AXDND1: variants seen among roughly 807,000 people sequenced by gnomAD.
AXDND1 encodes the protein axonemal dynein light chain domain containing 1.
Under a neutral mutation model 137.5 loss-of-function variants are expected in AXDND1, and 110 were observed. The observed-to-expected ratio is 0.80, with a 90% CI of 0.69 to 0.94. The LOEUF is 0.94. Among genes scored for constraint, AXDND1 ranks in the 40% least tolerant of loss-of-function variants. The probability of loss-of-function intolerance (pLI) is 0.00; values close to 1 mark genes in which losing one functional copy is unlikely to be tolerated. For synonymous variants in AXDND1, 414 were observed against 399.7 expected (o/e 1.04, Z -0.43); for missense variants, 1,191 against 1,169.8 (o/e 1.02, Z -0.26).
chr1:179,442,955 G>GCGCTC (rs899276358), intron 15 of AXDND1, among the ~76,000 whole-genome samples: 83 of 152,286 alleles, frequency 5.5e-4, no homozygotes, highest in African/African-American at 1.8e-3. Context: ...GCTTTACACA[G>GCGCTC]CGCTCCATAT....
chr1:179,517,822 C>G (rs1669687993), intron 21 of AXDND1, among the ~76,000 whole-genome samples: 1 of 152,212 alleles, frequency 6.6e-6, no homozygotes, highest in African/African-American at 2.4e-5. Context: ...CCTGCAGGAG[C>G]AGTCCACTGC....
At chr1:179,367,278 G>A (rs1667523433) in intron 2 of AXDND1, among the ~76,000 whole-genome samples, 1 of 152,078 alleles carries the variant, frequency 6.6e-6, no homozygotes, top group Non-Finnish European at 1.5e-5. Context: ...TCCCATTTGG[G>A]AGGCTGAGGC....
chr1:179,527,464 C>T (rs1401246525), intron 22 of AXDND1, among the ~76,000 whole-genome samples: 1 of 152,162 alleles, frequency 6.6e-6, no homozygotes, highest in Non-Finnish European at 1.5e-5. Flanking sequence ...TACCCAGCTA[C>T]TCTTTAAGAT....
At position 179,457,044 on chromosome 1, in the gene AXDND1, GT is replaced by G. The variant is rs572721259; in HGVS notation, c.1799-11398del. On this transcript the variant is annotated intron_variant, in intron 16 of 25. Coordinates refer to ENST00000367618, the MANE Select transcript of AXDND1 (RefSeq NM_144696.6). ...TTTTTCACAGTTAAGTGGGCACCTG[GT>G]CTTTGAGAATCTTCTCTTGAGACAG... The G allele has an allele frequency of 1.0e-3, 1,198 of 1,164,220 alleles. 9 individuals carry two copies. In the African/African-American group the frequency reaches 0.015, roughly 15 times the overall value. The allele number at this position is 1,164,220 out of a possible 1,614,324, so 72.1% of individuals were successfully genotyped here.
At chr1:179,374,729 A>G (rs1668403905) in intron 4 of AXDND1, among the ~76,000 whole-genome samples, 2 of 152,106 alleles carry the variant, frequency 1.3e-5, no homozygotes, top group South Asian at 4.2e-4. Flanking sequence ...ACAAGGACAG[A>G]AAACCAAATA....
chr1:179,415,705 A>G (rs2125240570), intron 12 of AXDND1, among the ~76,000 whole-genome samples: 1 of 151,880 alleles, frequency 6.6e-6, no homozygotes, highest in East Asian at 1.9e-4. Flanking sequence ...TCTCCAGGGT[A>G]CATCTTTTTT....
intron 12 of AXDND1, among the ~76,000 whole-genome samples, chr1:179,425,835 CTT>C (rs11300946): frequency 0.019 from 1,915 of 101,056 alleles, 27 homozygotes; most frequent in African/African-American, 0.061. Flanking sequence ...TGTGGAAGCT[CTT>C]TTTTTTTTTT....
Position 179,395,138 on chromosome 1 carries a change from A to G in AXDND1, c.1045A>G (p.Lys349Glu), listed in dbSNP as rs537555187. 6.2e-7 allele frequency: 1 copy of G among 1,613,702 alleles called. No homozygotes were observed. Among genetic ancestry groups the G allele is most frequent in the Non-Finnish European group, 8.5e-7 (1 of 1,179,840 alleles). Residue 349 changes from lysine (K) to glutamate (E), a missense_variant, in exon 11 of 26, where the codon AAG (lysine) becomes GAG (glutamate). Coordinates refer to ENST00000367618, the MANE Select transcript of AXDND1 (RefSeq NM_144696.6). ...LVRAHDVKLT[K>E]ETEKAHKDLA... ...TCGGGCACATGATGTGAAATTAACA[A>G]AGGAAACAGAAAAAGCCCACAAGGA... is the stretch of plus-strand genomic sequence containing the variant.
At chr1:179,549,502 C>T (rs1672988705) in intron 25 of AXDND1, among the ~76,000 whole-genome samples, 1 of 152,156 alleles carries the variant, frequency 6.6e-6, no homozygotes, top group South Asian at 2.1e-4. Flanking sequence ...CCCAGATATG[C>T]AAGCAAAATC....
chr1:179,547,271 A>G (rs1326181886), intron 25 of AXDND1, among the ~76,000 whole-genome samples: 4 of 152,174 alleles, frequency 2.6e-5, no homozygotes, highest in Admixed American at 6.5e-5. Context: ...TTCTGTAGCT[A>G]TATTGATATG....
intron 11 of AXDND1, among the ~76,000 whole-genome samples, chr1:179,399,786 A>G (rs1651672889): frequency 3.3e-5 from 5 of 152,236 alleles, no homozygotes; most frequent in Admixed American, 2.0e-4. Flanking sequence ...GACAATTCTC[A>G]AAAGAAGATA....
At chr1:179,396,625 T>C (rs543161852) in intron 11 of AXDND1, among the ~76,000 whole-genome samples, 26 of 151,108 alleles carry the variant, frequency 1.7e-4, no homozygotes, top group African/African-American at 5.3e-4. Context: ...TCCAGCACTC[T>C]AGCCTGGGCG....
intron 7 of AXDND1, 65 bp downstream of exon 7, chr1:179,382,821 G>T: frequency 1.6e-6 from 2 of 1,269,702 alleles, no homozygotes; most frequent in South Asian, 2.9e-5. Flanking sequence ...CACATTTCTT[G>T]GTACTTTATT....
intron 4 of AXDND1, among the ~76,000 whole-genome samples, chr1:179,374,856 A>G (rs943678273): frequency 1.3e-5 from 2 of 151,582 alleles, no homozygotes; most frequent in Non-Finnish European, 2.9e-5. Flanking sequence ...GGATAACATT[A>G]GGAGGAATAC....
intron 25 of AXDND1, 38 bp downstream of exon 25, chr1:179,535,000 A>G (rs765385724): frequency 1.2e-6 from 2 of 1,605,580 alleles, no homozygotes; most frequent in South Asian, 2.3e-5. Flanking sequence ...TTCAGGTTGT[A>G]TTTATGAAAG....
rs1558314219 is a variant in AXDND1 at position 179,534,802 on chromosome 1, T to C, written c.2871T>C (p.Leu957=). 1 of 1,606,474 alleles carries C rather than the reference T, an allele frequency of 6.2e-7. No individual in the cohort carries two copies. Among genetic ancestry groups the C allele is most frequent in the Admixed American group, 1.7e-5 (1 of 58,318 alleles). Residue 957 remains leucine, a synonymous_variant, in exon 25 of 26, where the codon CTT becomes CTC. Coordinates refer to ENST00000367618, the MANE Select transcript of AXDND1 (RefSeq NM_144696.6). ...CATATGAGAAACTTCATCATACCCT[T>C]ATAAAAAATAAAGATCTAGAGGAAT... ...EDAYEKLHHT[L]IKNKDLEELV... is the part of the protein sequence containing the mutation.
At chr1:179,390,281 T>A (rs1300657085) in intron 9 of AXDND1, among the ~76,000 whole-genome samples, 1 of 152,242 alleles carries the variant, frequency 6.6e-6, no homozygotes, top group African/African-American at 2.4e-5. Flanking sequence ...CCCAGAGTGC[T>A]GAGGTTACAG....
At chr1:179,430,669 C>T in intron 14 of AXDND1, 63 bp downstream of exon 14, 1 of 1,509,830 alleles carries the variant, frequency 6.6e-7, no homozygotes. Flanking sequence ...GTCAAATTCT[C>T]TGTGTTCCTC....
At chr1:179,397,566 C>T (rs1296715649) in intron 11 of AXDND1, among the ~76,000 whole-genome samples, 3 of 152,104 alleles carry the variant, frequency 2.0e-5, no homozygotes, top group Non-Finnish European at 4.4e-5. Flanking sequence ...ATGGATGATA[C>T]CCTAAAATAT....
Sources: gnomAD v4.1 joint callset for allele counts (sites outside exome capture counted in the v4.1 genomes callset) on GRCh38, gnomAD v4.1.1 for gene constraint, MANE v1.5 for transcripts, NCBI Gene and HGNC (gene_info 2026-07-23, HGNC 2026-07-21) for gene names.